The following CARD6 variants were observed in gnomAD, a reference collection of about 807,000 sequenced individuals.
The protein encoded by CARD6 is caspase recruitment domain-containing protein 6.
A neutral mutation model predicts 23.6 loss-of-function variants in CARD6; 27 were observed. The ratio of observed to expected loss-of-function variants is 1.14; its 90% CI spans 0.84 to 1.58. The LOEUF is 1.58. CARD6 is among the 40% of genes most tolerant of loss of function. CARD6 has a pLI of 0.00. For synonymous variants in CARD6, 397 were observed against 431.8 expected, an observed-to-expected ratio of 0.92 and a Z score of 1.00; for missense variants, 1,214 against 1,209.9, an observed-to-expected ratio of 1.00 and a Z score of -0.05.
intron 2 of CARD6, among the ~76,000 whole-genome samples, chr5:40,850,284 C>G (rs1274744540): frequency 6.6e-6 from 1 of 150,698 alleles, no homozygotes; most frequent in East Asian, 2.0e-4. Context: ...TGTGGTGGCA[C>G]CCGCATATGG....
chr5:40,853,596 G>C lies in CARD6; in HGVS notation c.2264G>C (p.Arg755Pro), dbSNP rs149994770. Residue 755 changes from arginine (R) to proline (P), a missense_variant, in exon 3 of 3, where the codon CGC (arginine) becomes CCC (proline). Physicochemically the swap from Arg to Pro is moderately radical, Grantham distance 103. Coordinates refer to ENST00000254691, the MANE Select transcript of CARD6 (RefSeq NM_032587.4). Reference protein sequence around the residue: ...VSLKASWVMGRPFGSEQRPKW... With the variant: ...VSLKASWVMGPPFGSEQRPKW... ...TTGAAAGCCTCCTGGGTTATGGGCC[G>C]CCCCTTTGGGTCAGAGCAGAGGCCT... 24 of 1,614,064 alleles carry C rather than the reference G, an allele frequency of 1.5e-5. No homozygotes were observed. The Admixed American group carries it at 4.0e-4, about 27-fold the overall frequency.
At chr5:40,842,132 AT>A (rs565975933) in intron 1 of CARD6, among the ~76,000 whole-genome samples, 2 of 152,326 alleles carry the variant, frequency 1.3e-5, no homozygotes, top group South Asian at 4.1e-4. Flanking sequence ...CAGTAGTTTC[AT>A]TTTTTTGGTG....
chr5:40,841,760 T>A (rs1745866147), intron 1 of CARD6, 95 bp downstream of exon 1: 7 of 1,049,974 alleles, frequency 6.7e-6, no homozygotes, highest in Non-Finnish European at 9.5e-6. Flanking sequence ...CCTTTTATTT[T>A]TGTTAGTCTT....
Position 40,853,291 on chromosome 5 carries a change from G to T in CARD6, c.1959G>T (p.Leu653=), listed in dbSNP as rs1746112285. ...VEDMAALARE[L]GIQVDEDFEN... ...ATATGGCCGCCCTGGCCAGGGAGCT[G>T]GGGATTCAGGTAGATGAAGACTTTG... Residue 653 remains leucine (L), a synonymous_variant, in exon 3 of 3, where the codon CTG becomes CTT. Coordinates refer to ENST00000254691, the MANE Select transcript of CARD6 (RefSeq NM_032587.4). The T allele has an allele frequency of 6.2e-7, 1 of 1,614,018 alleles. No individual in the cohort carries two copies. The highest frequency in any genetic ancestry group is 1.3e-5 in the African/African-American group (1 of 74,904).
chr5:40,854,971 C>T lies in CARD6; in HGVS notation c.*525C>T, dbSNP rs189225815. 6.4e-6 allele frequency: 1 copy of T among 155,232 alleles called. No homozygotes were observed. Among genetic ancestry groups the T allele is most frequent in the Non-Finnish European group, 1.4e-5 (1 of 69,878 alleles). 9.6% of individuals were successfully genotyped at this position (155,232 alleles called of 1,614,324 possible). ...ATATGAAAATAATTAAGACTAGAAT[C>T]AAGCAGTAGATAATTGAATCCAATC... On this transcript the variant is annotated 3_prime_UTR_variant, in exon 3 of 3. Transcript: ENST00000254691.
rs1313744747 is a variant in CARD6, at chr5:40,853,831, AC to A, written c.2500del (p.Gln834LysfsTer2). The A allele has an allele frequency of 1.9e-6, 3 of 1,614,218 alleles. No individual in the cohort carries two copies. Among genetic ancestry groups the A allele is most frequent in the Non-Finnish European group, 2.5e-6 (3 of 1,180,036 alleles). ...QHVQACPERP[Q>X]MMGTLERSRA... ...ATGTACAGGCCTGCCCTGAGAGACC[AC>A]AAATGATGGGAACTCTTGAAAGGTC... On this transcript the variant is annotated frameshift_variant, in exon 3 of 3. Coordinates refer to ENST00000254691, the MANE Select transcript of CARD6 (RefSeq NM_032587.4). LOFTEE classifies it low-confidence loss of function (END_TRUNC).
intron 2 of CARD6, among the ~76,000 whole-genome samples, chr5:40,847,145 C>T (rs536464428): frequency 9.9e-5 from 15 of 152,134 alleles, no homozygotes; most frequent in African/African-American, 3.4e-4. Flanking sequence ...ACTGGAGGCA[C>T]GTGGCTATTC....
In CARD6 at chr5:40,843,512, T is replaced by G; in HGVS notation, c.644T>G (p.Leu215Arg). The G allele has an allele frequency of 6.2e-7, 1 of 1,608,262 alleles. No individual in the cohort carries two copies. The highest frequency in any genetic ancestry group is 1.7e-4 in the Middle Eastern group (1 of 6,002). The change falls in exon 2 of 3, where the codon CTA becomes CGA. Residue 215 changes from leucine (L) to arginine (R), a missense_variant. Transcript: ENST00000254691. ...DSLYLGKEEYLGSVDTPEDAE... is the reference protein window; with the variant it reads ...DSLYLGKEEYRGSVDTPEDAE... ...TTATACTTAGGAAAAGAGGAATATCTAGGATCTGTTGACACCCCTGAAGAT... is the reference window on the plus strand; with the variant it reads ...TTATACTTAGGAAAAGAGGAATATCGAGGATCTGTTGACACCCCTGAAGAT...
Position 40,854,338 on chromosome 5 carries a change from T to G in CARD6, c.3006T>G (p.Ser1002=). 6.2e-7 allele frequency: 1 copy of G among 1,614,136 alleles called. No homozygotes were observed. The highest frequency in any genetic ancestry group is 8.5e-7 in the Non-Finnish European group (1 of 1,180,016). The stretch of plus-strand genomic sequence containing the variant: ...CAAGCCAGCCCTGGCCTCCCCAGTC[T>G]AAGCCTTCTCAGCCCAGACCCCCTC... ...PKPSQPWPPQ[S]KPSQPRPPQP... Residue 1002 remains serine (S), a synonymous_variant, in exon 3 of 3, where the codon TCT becomes TCG. Coordinates refer to ENST00000254691, the MANE Select transcript of CARD6 (RefSeq NM_032587.4).
chr5:40,852,592 G>A lies in CARD6; in HGVS notation c.1260G>A (p.Met420Ile). 2 of 1,614,192 alleles carry A rather than the reference G, an allele frequency of 1.2e-6. No individual in the cohort carries two copies. The highest frequency in any genetic ancestry group is 1.7e-6 in the Non-Finnish European group (2 of 1,180,032). ...CAGAAAACAACAAAAGCATCTTAAT[G>A]CTGGGGGCCATGAAAGACATTGTGA... Reference protein sequence around the residue: ...PDAENNKSILMLGAMKDIVKK... With the variant: ...PDAENNKSILILGAMKDIVKK... The change falls in exon 3 of 3, where the codon ATG becomes ATA. Residue 420 changes from methionine (M) to isoleucine (I), a missense_variant. Transcript: ENST00000254691.
chr5:40,846,420 C>T (rs947303697), intron 2 of CARD6, among the ~76,000 whole-genome samples: 2 of 152,054 alleles, frequency 1.3e-5, no homozygotes, highest in South Asian at 2.1e-4. Flanking sequence ...AGCTTTAGAA[C>T]GATCATCATG....
Position 40,853,385 on chromosome 5 carries a change from C to G in CARD6, c.2053C>G (p.Gln685Glu), listed in dbSNP as rs115225116. ...TGGGACAGCTGAAGGTGAGGGTCAG[C>G]AAAGACACAGTCAGCTAAAAAGCTC... is the stretch of plus-strand genomic sequence containing the variant. ...MAGTAEGEGQ[Q>E]RHSQLKSSSK... Residue 685 changes from glutamine (Q) to glutamate (E), a missense_variant, in exon 3 of 3, where the codon CAA becomes GAA. Gln to Glu is a conservative substitution (Grantham distance 29). Transcript: ENST00000254691. 182 of 1,614,106 alleles carry G rather than the reference C, an allele frequency of 1.1e-4. No homozygotes were observed. The African/African-American group carries it at 2.3e-3, about 20-fold the overall frequency.
chr5:40,847,959 G>A (rs1745993053), intron 2 of CARD6, among the ~76,000 whole-genome samples: 1 of 151,660 alleles, frequency 6.6e-6, no homozygotes, highest in African/African-American at 2.4e-5. Context: ...GAATTTTAGA[G>A]TTTTAAAAAT....
intron 2 of CARD6, among the ~76,000 whole-genome samples, chr5:40,850,190 G>T (rs539498980): frequency 6.6e-6 from 1 of 151,892 alleles, no homozygotes; most frequent in Non-Finnish European, 1.5e-5. Flanking sequence ...CGAGGCAGGC[G>T]CATCACGAGG....
In CARD6 at chr5:40,848,630, A is replaced by G. The variant is rs1240584099; in HGVS notation, c.842-3544A>G. Reference sequence around the variant, plus strand: ...GTCTATTAGCTTTGGATTGTGTTCTATCCATTGTATATAATAGGTCATAGA... The same window carrying G: ...GTCTATTAGCTTTGGATTGTGTTCTGTCCATTGTATATAATAGGTCATAGA... On this transcript the variant is annotated intron_variant, in intron 2 of 2. Coordinates refer to ENST00000254691, the MANE Select transcript of CARD6 (RefSeq NM_032587.4). 2.0e-5 allele frequency among the ~76,000 whole-genome samples: 3 copies of G among 152,110 alleles called. No individual in the cohort carries two copies. The East Asian group carries it at 5.8e-4, about 29-fold the overall frequency.
At chr5:40,847,348 A>G (rs1745982794) in intron 2 of CARD6, among the ~76,000 whole-genome samples, 1 of 152,342 alleles carries the variant, frequency 6.6e-6, no homozygotes, top group African/African-American at 2.4e-5. Flanking sequence ...TTGTATAGAC[A>G]GTATCAATTG....
chr5:40,854,176 C>A lies in CARD6; in HGVS notation c.2844C>A (p.Asn948Lys), dbSNP rs1746144615. The A allele has an allele frequency of 6.2e-7, 1 of 1,614,092 alleles. No homozygotes were observed. The highest frequency in any genetic ancestry group is 1.3e-5 in the African/African-American group (1 of 74,930). Reference sequence around the variant, plus strand: ...CTCAGTTCAAATCCGATCAGTCCAACCCATCCACAGTCAAACACTCCCAGC... The same window carrying A: ...CTCAGTTCAAATCCGATCAGTCCAAACCATCCACAGTCAAACACTCCCAGC... Reference protein sequence around the residue: ...KSSQFKSDQSNPSTVKHSQPK... With the variant: ...KSSQFKSDQSKPSTVKHSQPK... Residue 948 changes from asparagine to lysine, a missense_variant, in exon 3 of 3, where the codon AAC (asparagine) becomes AAA (lysine). Physicochemically the swap from Asn to Lys is moderately conservative, Grantham distance 94. Coordinates refer to ENST00000254691, the MANE Select transcript of CARD6 (RefSeq NM_032587.4).
In CARD6 at chr5:40,843,579, G is replaced by A. The variant is rs138261583; in HGVS notation, c.711G>A (p.Glu237=). The change falls in exon 2 of 3, where the codon GAG becomes GAA. Residue 237 remains glutamate (E), a synonymous_variant. Coordinates refer to ENST00000254691, the MANE Select transcript of CARD6 (RefSeq NM_032587.4). ...AAGAGGAGGTTTATGATGACCCAGA[G>A]CACGTTGGATATGATGGTGAAGAGG... ...TVEEEVYDDP[E]HVGYDGEEDF... is the part of the protein sequence containing the mutation. 1.1e-5 allele frequency: 17 copies of A among 1,611,146 alleles called. No individual in the cohort carries two copies. In the African/African-American group the frequency reaches 1.7e-4, roughly 16 times the overall value.
chr5:40,847,911 ACTT>A (rs76055981), intron 2 of CARD6, among the ~76,000 whole-genome samples: 27,168 of 151,396 alleles, frequency 0.18, 2,713 homozygotes, highest in East Asian at 0.33. Context: ...TTTCTTTCTC[ACTT>A]CTTCTCTTCT....
Sources: allele counts gnomAD v4.1 joint callset (sites outside exome capture counted in the v4.1 genomes callset), GRCh38; gene constraint gnomAD v4.1.1; transcripts MANE v1.5; gene names NCBI Gene and HGNC (gene_info 2026-07-23, HGNC 2026-07-21).